The following GARIN5B variants were observed in gnomAD, a reference collection of about 807,000 sequenced individuals.
GARIN5B encodes Golgi-associated RAB2 interactor protein 5B.
chr19:55,355,470 G>C, the GARIN5B span: 8 of 910,532 alleles, frequency 8.8e-6, no homozygotes, highest in African/African-American at 1.2e-4. Flanking sequence ...GTCTTGCTGT[G>C]TGTTTGGCTC....
At chr19:55,360,758 T>C in the GARIN5B span, 1 of 1,551,742 alleles carries the variant, frequency 6.4e-7, no homozygotes, top group Non-Finnish European at 8.7e-7. Flanking sequence ...CAGGTGGTGA[T>C]GCTGGTCTTC....
the GARIN5B span, chr19:55,361,190 C>T: frequency 6.4e-7 from 1 of 1,551,362 alleles, no homozygotes; most frequent in Non-Finnish European, 8.7e-7. Context: ...CTTCCTCTGT[C>T]TCTGAGCAGC....
the GARIN5B span, chr19:55,360,800 G>A: frequency 7.7e-6 from 12 of 1,551,454 alleles, no homozygotes; most frequent in Non-Finnish European, 9.6e-6. Context: ...AGCCCTTTGG[G>A]GCAGGAACCA....
chr19:55,360,067 T>G, the GARIN5B span: 1 of 1,332,856 alleles, frequency 7.5e-7, no homozygotes, highest in Non-Finnish European at 1.0e-6. Context: ...CCCTCCTCCC[T>G]CAGACTCAGG....
the GARIN5B span, chr19:55,358,604 A>T: frequency 5.8e-6 from 9 of 1,551,142 alleles, no homozygotes; most frequent in Non-Finnish European, 7.0e-6. Flanking sequence ...CTGCTCTCTG[A>T]CCACCACTGG....
At chr19:55,361,629 A>C in the GARIN5B span, among the ~76,000 whole-genome samples, 1 of 65,264 alleles carries the variant, frequency 1.5e-5, no homozygotes, top group African/African-American at 3.7e-5. Context: ...CCTCCCTCAG[A>C]CCCAGGAGTC....
the GARIN5B span, chr19:55,360,888 C>CG: frequency 6.5e-7 from 1 of 1,543,496 alleles, no homozygotes; most frequent in Non-Finnish European, 8.8e-7. Context: ...TCTGTCGGGG[C>CG]GGGGGTCTGA....
the GARIN5B span, chr19:55,359,701 G>A: frequency 3.8e-5 from 59 of 1,551,352 alleles, 1 homozygote; most frequent in Middle Eastern, 3.3e-4. Context: ...CCTGGTGGGA[G>A]CCCATAGGCC....
the GARIN5B span, chr19:55,359,869 G>A: frequency 1.3e-6 from 2 of 1,551,534 alleles, no homozygotes; most frequent in South Asian, 1.2e-5. Context: ...GGTCCAGGGA[G>A]CTGCAGGAGC....
At chr19:55,361,247 A>G in the GARIN5B span, 1 of 1,550,828 alleles carries the variant, frequency 6.4e-7, no homozygotes, top group Non-Finnish European at 8.7e-7. Context: ...GACTGGGAAG[A>G]GAGGAGACAT....
the GARIN5B span, chr19:55,361,167 G>A: frequency 2.7e-5 from 42 of 1,551,154 alleles, no homozygotes; most frequent in Admixed American, 1.8e-4. Context: ...CCACCCCGCC[G>A]GCTCACCTTG....
chr19:55,359,298 C>G, the GARIN5B span: 2 of 1,544,944 alleles, frequency 1.3e-6, no homozygotes, highest in Non-Finnish European at 1.7e-6. Flanking sequence ...TTCTTTGGAG[C>G]AGTGGGGGAC....
chr19:55,359,283 A>G, the GARIN5B span: 3 of 1,466,722 alleles, frequency 2.0e-6, no homozygotes, highest in East Asian at 2.8e-5. Flanking sequence ...AGGAGTAGAG[A>G]TTTCTTCTTT....
the GARIN5B span, chr19:55,355,494 C>G: frequency 1.4e-6 from 1 of 710,256 alleles, no homozygotes; most frequent in African/African-American, 1.8e-5. Context: ...GTTGTATCTG[C>G]CTGGGGCAGA....
chr19:55,356,219 G>A, the GARIN5B span, among the ~76,000 whole-genome samples: 2 of 148,890 alleles, frequency 1.3e-5, no homozygotes, highest in East Asian at 3.9e-4. Flanking sequence ...AAAAAAAAAA[G>A]AAAAGAAAAG....
chr19:55,358,228 GA>G, the GARIN5B span: 1 of 1,550,710 alleles, frequency 6.4e-7, no homozygotes, highest in East Asian at 2.4e-5. Flanking sequence ...CAAGTTCTAA[GA>G]GCATGGGCAA....
At chr19:55,358,701 G>A in the GARIN5B span, 6,993 of 1,550,946 alleles carry the variant, frequency 4.5e-3, 244 homozygotes, top group African/African-American at 0.076. Flanking sequence ...GTCGCCAAGA[G>A]CCAGGAGGGA....
At chr19:55,363,110 A>T in the GARIN5B span, 1 of 1,435,644 alleles carries the variant, frequency 7.0e-7, no homozygotes, top group Non-Finnish European at 9.1e-7. The surrounding 1 kb of genome is among the most constrained non-coding windows in gnomAD (Gnocchi z 4.0). Context: ...CCCAGAACCC[A>T]GGCGTGCAGG....
At chr19:55,358,927 G>A in the GARIN5B span, 2 of 1,551,106 alleles carry the variant, frequency 1.3e-6, no homozygotes, top group African/African-American at 1.4e-5. Flanking sequence ...GCTTCGCCCA[G>A]TGGGCCCAGT....
Sources: gnomAD v4.1 joint callset for allele counts (sites outside exome capture counted in the v4.1 genomes callset) on GRCh38, gnomAD v4.1.1 for gene constraint, Gnocchi (gnomAD v3.1) non-coding constraint, MANE v1.5 for transcripts, NCBI Gene and HGNC (gene_info 2026-07-23, HGNC 2026-07-21) for gene names.